The following VPS45 variants were observed in gnomAD, a reference collection of about 807,000 sequenced individuals.
VPS45 encodes vacuolar protein sorting 45 homolog.
Under a neutral mutation model 75.9 loss-of-function variants are expected in VPS45, and 35 were observed. The observed-to-expected ratio is 0.46, with a 90% confidence interval of 0.35 to 0.61. The LOEUF (loss-of-function observed/expected upper bound fraction) is 0.61. VPS45 is among the 20% of genes least tolerant of loss of function. VPS45 has a pLI of 0.00. For missense variants in VPS45, 559 were observed against 685.9 expected, an observed-to-expected ratio of 0.81 and a Z score of 2.07; for synonymous variants, 220 against 238.2, an observed-to-expected ratio of 0.92 and a Z score of 0.70.
chr1:150,120,181 GT>G (rs587715269), intron 14 of VPS45, among the ~76,000 whole-genome samples: 2 of 152,076 alleles, frequency 1.3e-5, no homozygotes, highest in African/African-American at 4.8e-5. Context: ...CCACTTACTA[GT>G]TTTTTTATTA....
intron 14 of VPS45, among the ~76,000 whole-genome samples, chr1:150,136,717 A>C (rs1553813804): frequency 7.9e-5 from 12 of 151,664 alleles, no homozygotes; most frequent in Non-Finnish European, 1.8e-4. Flanking sequence ...TTTCCATAGG[A>C]AGAAAGAGCA....
At chr1:150,116,480 G>T (rs1657939502) in intron 14 of VPS45, among the ~76,000 whole-genome samples, 1 of 152,090 alleles carries the variant, frequency 6.6e-6, no homozygotes, top group Non-Finnish European at 1.5e-5. Flanking sequence ...TGGAAACTGA[G>T]GCACAGAGAG....
intron 14 of VPS45, among the ~76,000 whole-genome samples, chr1:150,130,764 A>G (rs1553812200): frequency 6.6e-6 from 1 of 152,210 alleles, no homozygotes; most frequent in Non-Finnish European, 1.5e-5. Context: ...ACTGTAATAA[A>G]CATCATTTTA....
intron 14 of VPS45, among the ~76,000 whole-genome samples, chr1:150,134,093 A>G (rs1299421772): frequency 3.9e-5 from 6 of 152,226 alleles, no homozygotes. Context: ...TTTGTAAGAA[A>G]GTGTCATAGG....
chr1:150,119,399 G>A (rs1293568334), intron 14 of VPS45, among the ~76,000 whole-genome samples: 1 of 152,288 alleles, frequency 6.6e-6, no homozygotes, highest in Admixed American at 6.5e-5. Flanking sequence ...GTTTAATTTT[G>A]TAGGAGTTTT....
intron 13 of VPS45, among the ~76,000 whole-genome samples, chr1:150,108,204 G>A (rs74127440): frequency 0.021 from 3,272 of 152,264 alleles, 95 homozygotes; most frequent in African/African-American, 0.074. Context: ...AAGTAAACAG[G>A]TATTTAAGTC....
chr1:150,093,402 C>A, intron 12 of VPS45, 125 bp from the exon 13 acceptor site: 1 of 1,076,730 alleles, frequency 9.3e-7, no homozygotes, highest in Non-Finnish European at 1.3e-6. Flanking sequence ...AAATTTCCCA[C>A]AGTTACGTAA....
chr1:150,139,445 C>T (rs587619575), intron 14 of VPS45, among the ~76,000 whole-genome samples: 16 of 152,304 alleles, frequency 1.1e-4, no homozygotes, highest in South Asian at 4.1e-4. Flanking sequence ...GTCAGTTTCT[C>T]AGGGAGGCCT....
At chr1:150,103,051 T>G (rs1332650003) in intron 13 of VPS45, among the ~76,000 whole-genome samples, 1 of 42,656 alleles carries the variant, frequency 2.3e-5, no homozygotes, top group Non-Finnish European at 4.2e-5. Context: ...TTTCCAGATA[T>G]CCTATATATT....
At chr1:150,071,724 G>T (rs966669431) in intron 2 of VPS45, among the ~76,000 whole-genome samples, 15 of 149,012 alleles carry the variant, frequency 1.0e-4, no homozygotes, top group Middle Eastern at 3.4e-3. Flanking sequence ...GGAGACGGAG[G>T]TTACAGTGAG....
intron 10 of VPS45, among the ~76,000 whole-genome samples, chr1:150,088,947 T>C (rs1452156227): frequency 6.6e-6 from 1 of 152,220 alleles, no homozygotes; most frequent in African/African-American, 2.4e-5. Context: ...TGCTAAATCA[T>C]ATAGTAGTTC....
chr1:150,079,149 A>T (rs1361601937), intron 7 of VPS45, among the ~76,000 whole-genome samples: 1 of 151,632 alleles, frequency 6.6e-6, no homozygotes, highest in African/African-American at 2.4e-5. Context: ...CATCTCCAAC[A>T]TCCAGCCATT....
chr1:150,080,443 CTTG>C (rs1655645202), intron 7 of VPS45, among the ~76,000 whole-genome samples: 1 of 152,112 alleles, frequency 6.6e-6, no homozygotes, highest in African/African-American at 2.4e-5. Context: ...CATGCCCAGC[CTTG>C]TTGTACTTAT....
At chr1:150,086,977 A>AAG (rs1656051396) in intron 10 of VPS45, among the ~76,000 whole-genome samples, 1 of 151,844 alleles carries the variant, frequency 6.6e-6, no homozygotes, top group African/African-American at 2.4e-5. Context: ...AAAACAAAAA[A>AAG]AAAGACGGAG....
rs587678564 is a variant in VPS45, at chr1:150,098,861, G to A, written c.1493+5213G>A. On this transcript the variant is annotated intron_variant, in intron 13 of 14. Transcript: ENST00000644510. ...TTTTCTCACTCTAGAATTGCCTCTT[G>A]TCTCTGATAAAGGCAAGCAACTTTT... 8.6e-6 allele frequency: 11 copies of A among 1,276,168 alleles called. No homozygotes were observed. In the African/African-American group the frequency reaches 1.5e-4, roughly 18 times the overall value. 79.1% of individuals were successfully genotyped at this position (1,276,168 alleles called of 1,614,324 possible). A position where few individuals can be genotyped will look rare whatever the true frequency, so the allele number is the denominator to read the frequency against.
At position 150,092,041 on chromosome 1, in the gene VPS45, G is replaced by T; in HGVS notation, c.1209G>T (p.Leu403=). ...ATGAGCGACACAGCAGCAATAGCCT[G>T]CCAGGACTAATGATGGACCTCAGGA... ...LHYERHSSNS[L]PGLMMDLRNK... is the part of the protein sequence containing the mutation. Residue 403 remains leucine, a synonymous_variant, in exon 11 of 15, where the codon CTG becomes CTT. Transcript: ENST00000644510. 1 of 1,614,110 alleles carries T rather than the reference G, an allele frequency of 6.2e-7. No homozygotes were observed. The highest frequency in any genetic ancestry group is 2.2e-5 in the East Asian group (1 of 44,876).
chr1:150,123,273 T>C (rs1219448006), intron 14 of VPS45, among the ~76,000 whole-genome samples: 6 of 152,232 alleles, frequency 3.9e-5, no homozygotes, highest in Non-Finnish European at 8.8e-5. Flanking sequence ...CATCAATTGA[T>C]GGACATTTAG....
At chr1:150,128,943 G>T (rs587775152) in intron 14 of VPS45, among the ~76,000 whole-genome samples, 1 of 151,826 alleles carries the variant, frequency 6.6e-6, no homozygotes, top group African/African-American at 2.4e-5. Context: ...GGGTTTCACC[G>T]TGTTAGCCAG....
intron 10 of VPS45, among the ~76,000 whole-genome samples, chr1:150,086,801 C>G (rs1013625330): frequency 2.0e-5 from 3 of 152,118 alleles, no homozygotes; most frequent in Admixed American, 6.6e-5. Flanking sequence ...TCCCACAACA[C>G]TGTTCTCTCA....
Sources: gnomAD v4.1 joint callset for allele counts (sites outside exome capture counted in the v4.1 genomes callset) on GRCh38, gnomAD v4.1.1 for gene constraint, MANE v1.5 for transcripts, NCBI Gene and HGNC (gene_info 2026-07-23, HGNC 2026-07-21) for gene names.